NKAIN3: variants seen among roughly 807,000 people sequenced by gnomAD.
The protein encoded by NKAIN3 is sodium/potassium transporting ATPase interacting 3.
A neutral mutation model predicts 30.2 loss-of-function variants in NKAIN3; 25 were observed. The observed-to-expected ratio is 0.83, with a 90% confidence interval of 0.60 to 1.16. The LOEUF is 1.16. Ranked by LOEUF, NKAIN3 falls within the 50% of genes most tolerant of loss-of-function variation. The probability of loss-of-function intolerance (pLI) is 0.00; values close to 1 mark genes in which losing one functional copy is unlikely to be tolerated. For missense variants in NKAIN3, 225 were observed against 254.1 expected, an observed-to-expected ratio of 0.89 and a Z score of 0.78; for synonymous variants, 91 against 89.6, an observed-to-expected ratio of 1.02 and a Z score of -0.09.
intron 1 of NKAIN3, among the ~76,000 whole-genome samples, chr8:62,511,108 C>T (rs933046829): frequency 6.6e-6 from 1 of 152,124 alleles, no homozygotes; most frequent in East Asian, 1.9e-4. Flanking sequence ...CTCCCCACAC[C>T]CTCCCCATGT....
At chr8:62,758,207 A>G (rs1386822726) in intron 4 of NKAIN3, among the ~76,000 whole-genome samples, 1 of 152,178 alleles carries the variant, frequency 6.6e-6, no homozygotes, top group African/African-American at 2.4e-5. Flanking sequence ...CTCACGGAAA[A>G]CAAAGTGAGA....
intron 1 of NKAIN3, among the ~76,000 whole-genome samples, chr8:62,324,079 C>T (rs911647431): frequency 2.0e-5 from 3 of 151,774 alleles, no homozygotes; most frequent in Non-Finnish European, 2.9e-5. Flanking sequence ...GAATGCCCAC[C>T]AAGAATGAAC....
At chr8:62,604,588 G>T (rs911339419) in intron 3 of NKAIN3, among the ~76,000 whole-genome samples, 1 of 152,024 alleles carries the variant, frequency 6.6e-6, no homozygotes, top group African/African-American at 2.4e-5. Context: ...TATTCTTGTA[G>T]GAGCCACTTT....
At chr8:62,828,945 G>A (rs919541442) in intron 4 of NKAIN3, among the ~76,000 whole-genome samples, 6 of 152,100 alleles carry the variant, frequency 3.9e-5, no homozygotes, top group African/African-American at 7.2e-5. Context: ...CCCTGCTGAC[G>A]CTGCAAGGAT....
intron 3 of NKAIN3, among the ~76,000 whole-genome samples, chr8:62,614,616 A>C (rs1200066144): frequency 6.6e-6 from 1 of 152,128 alleles, no homozygotes; most frequent in Non-Finnish European, 1.5e-5. Flanking sequence ...GCCCTGGATG[A>C]GTCCAGAAGT....
chr8:62,741,751 G>A (rs1404129840), intron 3 of NKAIN3, among the ~76,000 whole-genome samples: 1 of 152,132 alleles, frequency 6.6e-6, no homozygotes, highest in African/African-American at 2.4e-5. Flanking sequence ...TCCATGTCAG[G>A]TAAAACTGAT....
intron 5 of NKAIN3, among the ~76,000 whole-genome samples, chr8:62,935,674 C>T (rs1249559409): frequency 3.3e-5 from 5 of 152,048 alleles, no homozygotes; most frequent in South Asian, 2.1e-4. Flanking sequence ...GTTAGTCACT[C>T]ACTAGATTAA....
intron 4 of NKAIN3, chr8:62,863,052 G>T: frequency 4.6e-6 from 4 of 867,758 alleles, no homozygotes; most frequent in African/African-American, 1.7e-5. Flanking sequence ...GAGACTCTAG[G>T]TGCTTTGATC....
chr8:62,700,629 T>C (rs1234620532), intron 3 of NKAIN3, among the ~76,000 whole-genome samples: 1 of 152,100 alleles, frequency 6.6e-6, no homozygotes, highest in Non-Finnish European at 1.5e-5. Context: ...GCAAAGAAAA[T>C]GGAGATGCAA....
intron 3 of NKAIN3, among the ~76,000 whole-genome samples, chr8:62,610,713 A>G (rs1050617958): frequency 5.3e-5 from 8 of 152,072 alleles, no homozygotes; most frequent in Non-Finnish European, 4.4e-5. Context: ...TCTATTCCCT[A>G]TAACGTCACA....
intron 4 of NKAIN3, among the ~76,000 whole-genome samples, chr8:62,878,381 C>CTTCT (rs1356122703): frequency 1.3e-5 from 2 of 152,070 alleles, no homozygotes; most frequent in Non-Finnish European, 2.9e-5. Context: ...CTATGACAGA[C>CTTCT]AGAAGAGTCT....
intron 1 of NKAIN3, among the ~76,000 whole-genome samples, chr8:62,399,561 C>T (rs1420920221): frequency 6.6e-6 from 1 of 152,070 alleles, no homozygotes; most frequent in Non-Finnish European, 1.5e-5. Flanking sequence ...CTGAGATTTG[C>T]TTAAACAAGC....
chr8:62,373,348 T>C (rs1029039104), intron 1 of NKAIN3, among the ~76,000 whole-genome samples: 3 of 152,238 alleles, frequency 2.0e-5, no homozygotes, highest in African/African-American at 7.2e-5. Flanking sequence ...GCTGAAATTC[T>C]ACTAACTTTA....
chr8:62,485,015 A>G (rs781232503), intron 1 of NKAIN3, among the ~76,000 whole-genome samples: 2 of 152,230 alleles, frequency 1.3e-5, no homozygotes, highest in Non-Finnish European at 2.9e-5. Context: ...TACATTAATT[A>G]CTATTTCTGT....
chr8:62,766,825 T>G (rs1483362738), intron 4 of NKAIN3, among the ~76,000 whole-genome samples: 1 of 152,162 alleles, frequency 6.6e-6, no homozygotes, highest in Non-Finnish European at 1.5e-5. Flanking sequence ...GAGGGCTTTC[T>G]AAGAACATTA....
intron 4 of NKAIN3, chr8:62,855,614 G>C (rs1820038786): frequency 1.9e-6 from 3 of 1,602,612 alleles, no homozygotes; most frequent in Non-Finnish European, 2.6e-6. Flanking sequence ...TGCTTGTTCA[G>C]TCTCCATCAA....
intron 5 of NKAIN3, chr8:62,990,120 C>G (rs1436266662): frequency 6.8e-6 from 6 of 882,110 alleles, no homozygotes; most frequent in Non-Finnish European, 1.1e-5. Context: ...CTAATAAGAT[C>G]AATTTAAATG....
chr8:62,427,065 G>T (rs1165881285), intron 1 of NKAIN3, among the ~76,000 whole-genome samples: 3 of 152,034 alleles, frequency 2.0e-5, no homozygotes, highest in Non-Finnish European at 4.4e-5. Context: ...GTCAATCAAA[G>T]CCTGTCAGAG....
At chr8:62,849,746 T>C (rs1421151969) in intron 4 of NKAIN3, among the ~76,000 whole-genome samples, 1 of 148,090 alleles carries the variant, frequency 6.8e-6, no homozygotes, top group Non-Finnish European at 1.5e-5. Context: ...AGAGTGATGG[T>C]TTCCAGCTTC....
Sources: allele counts gnomAD v4.1 joint callset (sites outside exome capture counted in the v4.1 genomes callset), GRCh38; gene constraint gnomAD v4.1.1; transcripts MANE v1.5; gene names NCBI Gene and HGNC (gene_info 2026-07-23, HGNC 2026-07-21).